The following SEMA5A variants were observed in gnomAD, a reference collection of about 807,000 sequenced individuals.
SEMA5A encodes semaphorin-5A.
In SEMA5A, 55 loss-of-function variants were observed where a neutral mutation model predicts 135.5. That is an observed-to-expected ratio of 0.41 (90% confidence interval 0.33 to 0.51). The LOEUF (loss-of-function observed/expected upper bound fraction) is 0.51. SEMA5A is among the 20% of genes least tolerant of loss of function. The pLI, the probability that SEMA5A is intolerant of heterozygous loss-of-function variation, is 0.37. For missense variants in SEMA5A, 1,290 were observed against 1,419.9 expected (o/e 0.91, Z 1.47); for synonymous variants, 580 against 546.5 (o/e 1.06, Z -0.85).
At chr5:9,177,916 T>A (rs1392088360) in intron 11 of SEMA5A, among the ~76,000 whole-genome samples, 1 of 152,254 alleles carries the variant, frequency 6.6e-6, no homozygotes, top group Non-Finnish European at 1.5e-5. Context: ...TTTGTCAGTA[T>A]AATTTCAGTT....
At chr5:9,263,967 T>C (rs1028746958) in intron 5 of SEMA5A, among the ~76,000 whole-genome samples, 1 of 152,200 alleles carries the variant, frequency 6.6e-6, no homozygotes, top group Non-Finnish European at 1.5e-5. Flanking sequence ...AGTGAATTTC[T>C]CTAGAAAATC....
intron 3 of SEMA5A, among the ~76,000 whole-genome samples, chr5:9,338,639 A>T (rs181345468): frequency 6.6e-6 from 1 of 152,204 alleles, no homozygotes; most frequent in Non-Finnish European, 1.5e-5. Context: ...ACAATTAACC[A>T]TAACATCTGA....
intron 15 of SEMA5A, among the ~76,000 whole-genome samples, chr5:9,111,624 C>T (rs994313945): frequency 6.6e-6 from 1 of 152,158 alleles, no homozygotes; most frequent in Non-Finnish European, 1.5e-5. Flanking sequence ...ACAAGCCACA[C>T]CAGGATCTGC....
chr5:9,180,556 T>C (rs1393982845), intron 11 of SEMA5A, among the ~76,000 whole-genome samples: 2 of 152,192 alleles, frequency 1.3e-5, no homozygotes, highest in African/African-American at 4.8e-5. Context: ...TACTTGTTCC[T>C]GACACTTAGA....
At chr5:9,182,159 C>T (rs35704932) in intron 11 of SEMA5A, among the ~76,000 whole-genome samples, 2 of 140,924 alleles carry the variant, frequency 1.4e-5, no homozygotes, top group Admixed American at 1.4e-4. Flanking sequence ...GCCCCCCACC[C>T]CAAAAAAAAA....
At chr5:9,069,107 C>T (rs1159661708) in intron 16 of SEMA5A, among the ~76,000 whole-genome samples, 1 of 152,188 alleles carries the variant, frequency 6.6e-6, no homozygotes, top group Non-Finnish European at 1.5e-5. Context: ...CCTTGTTTTG[C>T]ATGTACCAAA....
intron 11 of SEMA5A, 134 bp from the exon 12 acceptor site, chr5:9,154,829 A>G: frequency 2.7e-6 from 2 of 747,522 alleles, no homozygotes; most frequent in Non-Finnish European, 4.6e-6. Context: ...CTTCAAAAAC[A>G]GTACACCTGG....
At chr5:9,478,630 T>C (rs2126772394) in intron 1 of SEMA5A, among the ~76,000 whole-genome samples, 1 of 152,356 alleles carries the variant, frequency 6.6e-6, no homozygotes, top group South Asian at 2.1e-4. Flanking sequence ...ATGGGCCCTG[T>C]AGCCCTTGGT....
chr5:9,459,463 G>A (rs1240376667), intron 1 of SEMA5A, among the ~76,000 whole-genome samples: 1 of 152,192 alleles, frequency 6.6e-6, no homozygotes, highest in Non-Finnish European at 1.5e-5. Flanking sequence ...CTCTAGAGCT[G>A]AAAAAGCCTC....
intron 1 of SEMA5A, among the ~76,000 whole-genome samples, chr5:9,485,240 C>A (rs1337290823): frequency 6.7e-6 from 1 of 149,902 alleles, no homozygotes; most frequent in Non-Finnish European, 1.5e-5. Context: ...CCTTCTCCCA[C>A]CCCCAGGCCC....
chr5:9,256,346 T>C (rs1168408815), intron 5 of SEMA5A, among the ~76,000 whole-genome samples: 2 of 152,150 alleles, frequency 1.3e-5, no homozygotes, highest in East Asian at 1.9e-4. Flanking sequence ...AGCCCTGTGA[T>C]CCAGCAACTC....
chr5:9,053,124 C>A (rs192270283), intron 19 of SEMA5A, among the ~76,000 whole-genome samples: 11 of 152,144 alleles, frequency 7.2e-5, no homozygotes, highest in Non-Finnish European at 1.6e-4. Context: ...AAAGTTAGAC[C>A]AAGAAAAGAA....
intron 1 of SEMA5A, among the ~76,000 whole-genome samples, chr5:9,510,985 T>C (rs1261319518): frequency 6.6e-6 from 1 of 152,196 alleles, no homozygotes. Context: ...ATTGTTGTCT[T>C]AGGCCATTCA....
At chr5:9,475,941 A>C (rs919917517) in intron 1 of SEMA5A, among the ~76,000 whole-genome samples, 14 of 152,246 alleles carry the variant, frequency 9.2e-5, no homozygotes, top group African/African-American at 1.7e-4. Flanking sequence ...AGAGGTAGCT[A>C]ATGAGAAAAA....
chr5:9,142,621 C>T (rs1034420693), intron 12 of SEMA5A, among the ~76,000 whole-genome samples: 15 of 152,128 alleles, frequency 9.9e-5, no homozygotes, highest in African/African-American at 3.6e-4. Context: ...TCCTAAGTAC[C>T]ATGTTACCAT....
intron 16 of SEMA5A, among the ~76,000 whole-genome samples, chr5:9,104,140 G>A (rs1739778729): frequency 6.6e-6 from 1 of 152,124 alleles, no homozygotes; most frequent in Admixed American, 6.5e-5. Flanking sequence ...CTCAAATGCT[G>A]GTCCAGTCCC....
At chr5:9,352,211 A>G (rs1014662932) in intron 3 of SEMA5A, among the ~76,000 whole-genome samples, 6 of 152,110 alleles carry the variant, frequency 3.9e-5, no homozygotes, top group African/African-American at 1.4e-4. Context: ...AGCAGCATGC[A>G]GTCCTACATG....
rs201139986 is a variant in SEMA5A at position 9,252,589 on chromosome 5, G to A, written c.271-14699C>T. ...TTATACGTTGAATTAGGAGAATACA[G>A]CAAAAACTATCCCATGGAGACATTA... On this transcript the variant is annotated intron_variant, in intron 5 of 22. Coordinates refer to ENST00000382496, the MANE Select transcript of SEMA5A (RefSeq NM_003966.3). Among the ~76,000 whole-genome samples the A allele has an allele frequency of 1.9e-4, 29 of 152,280 alleles. No individual in the cohort carries two copies. The East Asian group carries it at 5.4e-3, about 28-fold the overall frequency.
Position 9,243,500 on chromosome 5 carries a change from C to T in SEMA5A, c.271-5610G>A, listed in dbSNP as rs114768289. Among the ~76,000 whole-genome samples the T allele has an allele frequency of 9.8e-3, 1,485 of 152,136 alleles. 25 individuals are homozygous for T. Among genetic ancestry groups the T allele is most frequent in the African/African-American group, 0.034 (1,426 of 41,494 alleles). ...CATGGACATGAGTTTTGGGGTGATA[C>T]TCTACAACCCAGTACAAACAGCATG... On this transcript the variant is annotated intron_variant, in intron 5 of 22. Coordinates refer to ENST00000382496, the MANE Select transcript of SEMA5A (RefSeq NM_003966.3).
Sources: allele counts gnomAD v4.1 joint callset (sites outside exome capture counted in the v4.1 genomes callset), GRCh38; gene constraint gnomAD v4.1.1; transcripts MANE v1.5; gene names NCBI Gene and HGNC (gene_info 2026-07-23, HGNC 2026-07-21).